The following TMEM132D variants were observed in gnomAD, a reference collection of about 807,000 sequenced individuals.
The protein encoded by TMEM132D is transmembrane protein 132D, also known as mature OL transmembrane protein.
Under a neutral mutation model 62.3 loss-of-function variants are expected in TMEM132D, and 21 were observed. That is an observed-to-expected ratio of 0.34 (90% CI 0.24 to 0.49). The LOEUF is 0.49. TMEM132D is among the 20% of genes least tolerant of loss of function. The pLI is 0.99. For missense variants in TMEM132D, 1,346 were observed against 1,402.8 expected, an observed-to-expected ratio of 0.96 and a Z score of 0.65; for synonymous variants, 621 against 575.6, an observed-to-expected ratio of 1.08 and a Z score of -1.13.
At chr12:129,616,795 G>A (rs992718349) in intron 2 of TMEM132D, among the ~76,000 whole-genome samples, 1 of 152,164 alleles carries the variant, frequency 6.6e-6, no homozygotes, top group African/African-American at 2.4e-5. Context: ...CCAGTCTCGG[G>A]TACGTCTTCA....
At chr12:129,402,341 G>A (rs777719390) in intron 3 of TMEM132D, among the ~76,000 whole-genome samples, 1 of 152,122 alleles carries the variant, frequency 6.6e-6, no homozygotes, top group Non-Finnish European at 1.5e-5. Context: ...GCTCTCACTC[G>A]ACGGCATTTT....
chr12:129,276,942 C>T (rs1881022046), intron 4 of TMEM132D, among the ~76,000 whole-genome samples: 1 of 152,216 alleles, frequency 6.6e-6, no homozygotes, highest in Non-Finnish European at 1.5e-5. Flanking sequence ...AATGTGTCCG[C>T]ACCAGGTGCC....
At chr12:129,456,773 C>T (rs1489744848) in intron 3 of TMEM132D, among the ~76,000 whole-genome samples, 1 of 152,192 alleles carries the variant, frequency 6.6e-6, no homozygotes, top group Non-Finnish European at 1.5e-5. Flanking sequence ...CTACGAGCTG[C>T]ATCTCTCGGG....
intron 1 of TMEM132D, among the ~76,000 whole-genome samples, chr12:129,792,938 G>T (rs1871443675): frequency 1.3e-5 from 2 of 152,096 alleles, no homozygotes; most frequent in Admixed American, 1.3e-4. Flanking sequence ...AGGGAAACTG[G>T]TGTTCATTCT....
chr12:129,798,710 AGGG>A (rs1871641892), intron 1 of TMEM132D, among the ~76,000 whole-genome samples: 1 of 78,928 alleles, frequency 1.3e-5, no homozygotes, highest in Admixed American at 1.3e-4. Context: ...GAAGGGGTGG[AGGG>A]AGATAAGACT....
chr12:129,442,248 C>A (rs2135721743), intron 3 of TMEM132D, among the ~76,000 whole-genome samples: 1 of 152,348 alleles, frequency 6.6e-6, no homozygotes, highest in Admixed American at 6.5e-5. Flanking sequence ...TTGACACATT[C>A]TGTTAGATTC....
intron 3 of TMEM132D, among the ~76,000 whole-genome samples, chr12:129,471,209 CTTTTTTT>C (rs3046077): frequency 6.9e-6 from 1 of 145,800 alleles, no homozygotes; most frequent in African/African-American, 2.5e-5. Flanking sequence ...GTAGATATTA[CTTTTTTT>C]TTTTTTTTAA....
intron 4 of TMEM132D, among the ~76,000 whole-genome samples, chr12:129,329,454 T>C (rs933479213): frequency 1.3e-5 from 2 of 152,314 alleles, no homozygotes; most frequent in African/African-American, 4.8e-5. Flanking sequence ...AAAAGAATGC[T>C]ATGAACAGTC....
In TMEM132D at chr12:129,748,008, G is replaced by A. The variant is rs140680600; in HGVS notation, c.80-47310C>T. The stretch of plus-strand genomic sequence containing the variant: ...GTCTGTTCCCCCTCATTAGGATGCC[G>A]TGTCCATGCAGGCAAGACCCTGTTT... On this transcript the variant is annotated intron_variant, in intron 1 of 8. Transcript: ENST00000422113. Among the ~76,000 whole-genome samples the A allele has an allele frequency of 9.9e-5, 15 of 152,246 alleles. 1 individual carries two copies. Among genetic ancestry groups the A allele is most frequent in the African/African-American group, 2.9e-4 (12 of 41,552 alleles).
chr12:129,501,637 T>C (rs1233387171), intron 3 of TMEM132D, among the ~76,000 whole-genome samples: 1 of 152,120 alleles, frequency 6.6e-6, no homozygotes, highest in Non-Finnish European at 1.5e-5. Flanking sequence ...TCTAAATAGC[T>C]GGGCCTATAG....
At chr12:129,644,917 C>A (rs551067327) in intron 2 of TMEM132D, among the ~76,000 whole-genome samples, 1 of 134,678 alleles carries the variant, frequency 7.4e-6, no homozygotes, top group South Asian at 2.6e-4. Flanking sequence ...ACCCAGGAGG[C>A]GGAGCTTGCA....
intron 1 of TMEM132D, among the ~76,000 whole-genome samples, chr12:129,835,404 C>T (rs1012438994): frequency 2.0e-5 from 3 of 152,108 alleles, no homozygotes; most frequent in African/African-American, 7.2e-5. Context: ...GATCCTCCTG[C>T]CTCAGCCCCT....
chr12:129,491,933 T>G (rs2137060911), intron 3 of TMEM132D, among the ~76,000 whole-genome samples: 1 of 111,448 alleles, frequency 9.0e-6, no homozygotes, highest in South Asian at 2.9e-4. Context: ...GAGAGTGAGA[T>G]TCTGTCTCAA....
At chr12:129,764,311 A>T (rs1161802286) in intron 1 of TMEM132D, among the ~76,000 whole-genome samples, 1 of 152,242 alleles carries the variant, frequency 6.6e-6, no homozygotes, top group African/African-American at 2.4e-5. Context: ...AAGTGAAAAT[A>T]TAGGACGTCT....
chr12:129,299,416 T>C (rs1330426032), intron 4 of TMEM132D, among the ~76,000 whole-genome samples: 2 of 138,730 alleles, frequency 1.4e-5, no homozygotes, highest in South Asian at 2.3e-4. Context: ...TTCACATAGT[T>C]GAACTTTTTT....
At chr12:129,119,570 C>A (rs1875996543) in intron 5 of TMEM132D, among the ~76,000 whole-genome samples, 1 of 152,164 alleles carries the variant, frequency 6.6e-6, no homozygotes, top group Non-Finnish European at 1.5e-5. Flanking sequence ...CCTGAAGGTG[C>A]TAAAATTAGG....
At chr12:129,751,170 G>T (rs766752746) in intron 1 of TMEM132D, among the ~76,000 whole-genome samples, 1 of 152,172 alleles carries the variant, frequency 6.6e-6, no homozygotes, top group South Asian at 2.1e-4. Flanking sequence ...GAGAAAAGAG[G>T]TTTAATTGGC....
chr12:129,784,934 G>A (rs1224894611), intron 1 of TMEM132D, among the ~76,000 whole-genome samples: 1 of 152,122 alleles, frequency 6.6e-6, no homozygotes, highest in Admixed American at 6.5e-5. Context: ...CATCATCTAT[G>A]GCACCAGCAA....
Position 129,082,139 on chromosome 12 carries a change from T to C in TMEM132D, c.1650-107A>G. On this transcript the variant is annotated intron_variant, in intron 6 of 8. Transcript: ENST00000422113. Reference sequence around the variant, plus strand: ...GCAGAGGTAGGTAGGCCATGAGACTTCAAGGAGTTTATAGCCAGACATGCA... The same window carrying C: ...GCAGAGGTAGGTAGGCCATGAGACTCCAAGGAGTTTATAGCCAGACATGCA... The C allele has an allele frequency of 4.3e-6, 6 of 1,384,120 alleles. No individual in the cohort carries two copies. The South Asian group carries it at 8.4e-5, about 19-fold the overall frequency. The allele number at this position is 1,384,120 out of a possible 1,614,324, so 85.7% of individuals were successfully genotyped here. A position where few individuals can be genotyped will look rare whatever the true frequency, so the allele number is the denominator to read the frequency against.
Sources: gnomAD v4.1 joint callset for allele counts (sites outside exome capture counted in the v4.1 genomes callset) on GRCh38, gnomAD v4.1.1 for gene constraint, MANE v1.5 for transcripts, NCBI Gene and HGNC (gene_info 2026-07-23, HGNC 2026-07-21) for gene names.